Variants in MROH2A observed in about 807,000 individuals in gnomAD.
MROH2A encodes the protein maestro heat-like repeat-containing protein family member 2A.
In MROH2A, 174 loss-of-function variants were observed where a neutral mutation model predicts 200.4. The observed-to-expected ratio is 0.87, with a 90% CI of 0.77 to 0.98. MROH2A has a LOEUF of 0.98. Among genes scored for constraint, MROH2A ranks in the 50% least tolerant of loss-of-function variants. MROH2A has a pLI of 0.00. For synonymous variants in MROH2A, 829 were observed against 840.4 expected, an observed-to-expected ratio of 0.99 and a Z score of 0.23; for missense variants, 2,045 against 2,139.6, an observed-to-expected ratio of 0.96 and a Z score of 0.87.
At chr2:233,826,203 G>A (rs767076773) in intron 35 of MROH2A, among the ~76,000 whole-genome samples, 5 of 152,138 alleles carry the variant, frequency 3.3e-5, no homozygotes, top group East Asian at 1.9e-4. Context: ...GATTACAGGC[G>A]TGAGCCACCA....
chr2:233,787,251 A>C (rs998790365), intron 3 of MROH2A, among the ~76,000 whole-genome samples: 1 of 151,896 alleles, frequency 6.6e-6, no homozygotes, highest in African/African-American at 2.4e-5. Flanking sequence ...GGGTGCAGTA[A>C]GAGTGTTAAT....
rs1370080723 is a variant in MROH2A at position 233,807,308 on chromosome 2, T to A, written c.2053-115T>A. ...GTGCTGCTGTAAACGTGTGTGCAAG[T>A]ATCTTCTGCACATTAAAATAAATTG... On this transcript the variant is annotated intron_variant, in intron 19 of 41. Coordinates refer to ENST00000389758, the MANE Select transcript of MROH2A (RefSeq NM_001394639.1). This position sits in a 1 kb window ranked among gnomAD's most constrained non-coding sequence, Gnocchi z 4.3. 8.6e-7 allele frequency: 1 copy of A among 1,160,008 alleles called. No individual in the cohort carries two copies. Among genetic ancestry groups the A allele is most frequent in the Non-Finnish European group, 1.2e-6 (1 of 847,284 alleles). 71.9% of individuals were successfully genotyped at this position (1,160,008 alleles called of 1,614,324 possible).
chr2:233,787,794 A>AC lies in MROH2A; in HGVS notation c.277-1703_277-1702insC, dbSNP rs55670598. On this transcript the variant is annotated intron_variant, in intron 3 of 41. Coordinates refer to ENST00000389758, the MANE Select transcript of MROH2A (RefSeq NM_001394639.1). ...CATATATATTATATATATCATATAT[A>AC]ATATATATTATATATATTATATATA... 1.2e-3 allele frequency among the ~76,000 whole-genome samples: 5 copies of AC among 4,262 alleles called. 1 individual carries two copies. Among genetic ancestry groups the AC allele is most frequent in the African/African-American group, 4.1e-3 (3 of 726 alleles). The allele number at this position is 4,262 out of a possible 152,430, so 2.8% of individuals were successfully genotyped here. A position where few individuals can be genotyped will look rare whatever the true frequency, so the allele number is the denominator to read the frequency against.
intron 3 of MROH2A, 127 bp from the exon 4 acceptor site, chr2:233,789,370 G>A (rs17862886): frequency 0.014 from 13,250 of 964,346 alleles, 225 homozygotes; most frequent in African/African-American, 0.065. Flanking sequence ...GGAGGAATGG[G>A]GATCTAAGAT....
At chr2:233,780,712 A>G (rs1700916163) in intron 3 of MROH2A, among the ~76,000 whole-genome samples, 1 of 152,184 alleles carries the variant, frequency 6.6e-6, no homozygotes, top group Non-Finnish European at 1.5e-5. Context: ...CACTGCAAAC[A>G]TTTATCATTT....
At chr2:233,785,216 C>G (rs1701142342) in intron 3 of MROH2A, among the ~76,000 whole-genome samples, 1 of 151,932 alleles carries the variant, frequency 6.6e-6, no homozygotes, top group African/African-American at 2.4e-5. Context: ...GACACTTGCT[C>G]TTGAAAGGAC....
At chr2:233,799,544 G>A (rs1702324603) in intron 12 of MROH2A, among the ~76,000 whole-genome samples, 2 of 152,284 alleles carry the variant, frequency 1.3e-5, no homozygotes, top group African/African-American at 4.8e-5. Flanking sequence ...GAGGTTGGAA[G>A]GGAGGGAGGG....
chr2:233,789,481 C>A lies in MROH2A; in HGVS notation c.277-16C>A. On this transcript the variant is annotated splice_polypyrimidine_tract_variant and intron_variant, in intron 3 of 41. Coordinates refer to ENST00000389758, the MANE Select transcript of MROH2A (RefSeq NM_001394639.1). ...GCAGGGTGAGGTCCATTCCACCCAC[C>A]ATACTTGTTTCCCAGATTTCCACCC... The A allele has an allele frequency of 7.1e-7, 1 of 1,404,332 alleles. No individual in the cohort carries two copies. The highest frequency in any genetic ancestry group is 1.7e-5 in the South Asian group (1 of 58,102). The allele number at this position is 1,404,332 out of a possible 1,614,324, so 87.0% of individuals were successfully genotyped here. A position where few individuals can be genotyped will look rare whatever the true frequency, so the allele number is the denominator to read the frequency against.
In MROH2A at chr2:233,818,753, T is replaced by C. The variant is rs1253512555; in HGVS notation, c.3187T>C (p.Ser1063Pro). ...AGATGTGGAGAAGATCTTCTGTGCA[T>C]CCTCCAGAATCGCCAAGGTGACAGC... ...STDVEKIFCASSRIAKVVCME... is the reference protein window; with the variant it reads ...STDVEKIFCAPSRIAKVVCME... The change falls in exon 29 of 42, where the codon TCC becomes CCC. Residue 1063 changes from serine to proline, a missense_variant. Physicochemically the swap from Ser to Pro is moderately conservative, Grantham distance 74 (BLOSUM62 -1). Around this residue, in one of 3 missense-constraint regions of MROH2A, gnomAD observed 1,201 missense variants for 1,311.3 expected, o/e 0.92. Coordinates refer to ENST00000389758, the MANE Select transcript of MROH2A (RefSeq NM_001394639.1). The C allele has an allele frequency of 1.3e-6, 2 of 1,547,308 alleles. No individual in the cohort carries two copies. Among genetic ancestry groups the C allele is most frequent in the Non-Finnish European group, 8.7e-7 (1 of 1,144,252 alleles).
rs537142997 is a variant in MROH2A at position 233,786,156 on chromosome 2, G to T, written c.277-3341G>T. On this transcript the variant is annotated intron_variant, in intron 3 of 41. Transcript: ENST00000389758. ...TCTTGCTTGCTGCCATGTAGAACAT[G>T]ACTGTGTTCCCCCTTTGTCTCCTAC... Among the ~76,000 whole-genome samples the T allele has an allele frequency of 7.9e-5, 12 of 152,302 alleles. No homozygotes were observed. The South Asian group carries it at 2.5e-3, about 32-fold the overall frequency.
At chr2:233,802,134 T>C in intron 14 of MROH2A, 34 bp from the exon 15 acceptor site, 1 of 1,534,996 alleles carries the variant, frequency 6.5e-7, no homozygotes, top group Non-Finnish European at 8.8e-7. Context: ...CTTGGGCTAA[T>C]TCTGAGCCCC....
intron 15 of MROH2A, chr2:233,802,531 C>T: frequency 1.9e-6 from 1 of 528,118 alleles, no homozygotes; most frequent in Non-Finnish European, 3.3e-6. Context: ...CTTTGGATAG[C>T]TCACTCCTCA....
intron 3 of MROH2A, among the ~76,000 whole-genome samples, chr2:233,783,829 G>A (rs192235096): frequency 1.1e-4 from 16 of 152,188 alleles, no homozygotes; most frequent in African/African-American, 3.4e-4. Flanking sequence ...CGTGAGTGCC[G>A]GGATTACAGA....
chr2:233,832,665 G>A (rs1704851626), intron 41 of MROH2A, 21 bp downstream of exon 41: 1 of 1,515,560 alleles, frequency 6.6e-7, no homozygotes, highest in South Asian at 1.2e-5. Flanking sequence ...GAGAGTGTTA[G>A]ATGTTGAGTC....
At chr2:233,794,824 A>T (rs886440984) in intron 8 of MROH2A, among the ~76,000 whole-genome samples, 1 of 152,024 alleles carries the variant, frequency 6.6e-6, no homozygotes, top group Non-Finnish European at 1.5e-5. Flanking sequence ...AGCAACAGAG[A>T]TGTATTCTCT....
At position 233,796,279 on chromosome 2, in the gene MROH2A, T is replaced by G; in HGVS notation, c.1218T>G (p.Thr406=). Residue 406 remains threonine, a synonymous_variant, in exon 11 of 42, where the codon ACT becomes ACG. Transcript: ENST00000389758. ...ETNKEAVRVG[T]LNLIRAIVSA... Reference sequence around the variant, plus strand: ...ACAAGGAGGCCGTCCGCGTGGGGACTCTGAATCTGATTAGGGCTATAGTGA... The same window carrying G: ...ACAAGGAGGCCGTCCGCGTGGGGACGCTGAATCTGATTAGGGCTATAGTGA... The G allele has an allele frequency of 6.5e-7, 1 of 1,538,208 alleles. No individual in the cohort carries two copies.
chr2:233,810,749 C>T (rs1057420075), intron 22 of MROH2A, 45 bp from the exon 23 acceptor site: 1 of 1,544,318 alleles, frequency 6.5e-7, no homozygotes, highest in Admixed American at 2.0e-5. Context: ...TCTTCTGGGG[C>T]TGCTCACAAA....
intron 12 of MROH2A, 23 bp from the exon 13 acceptor site, chr2:233,799,757 T>A (rs1170318781): frequency 6.5e-7 from 1 of 1,549,974 alleles, no homozygotes; most frequent in East Asian, 2.4e-5. Flanking sequence ...ACCCCCAGCA[T>A]GTCCACGGTC....
rs1355468790 is a variant in MROH2A at position 233,787,602 on chromosome 2, A to ATT, written c.277-1894_277-1893dup. On this transcript the variant is annotated intron_variant, in intron 3 of 41. Coordinates refer to ENST00000389758, the MANE Select transcript of MROH2A (RefSeq NM_001394639.1). Reference sequence around the variant, plus strand: ...TCATATATACATATATATATTATATATTATATATATCATATATACATATAT... The same window carrying ATT: ...TCATATATACATATATATATTATATATTTTATATATATCATATATACATATAT... Among the ~76,000 whole-genome samples, 2 of 75,646 alleles carry ATT rather than the reference A, an allele frequency of 2.6e-5. 1 individual carries two copies. Among genetic ancestry groups the ATT allele is most frequent in the Non-Finnish European group, 4.6e-5 (2 of 43,396 alleles). 49.6% of individuals were successfully genotyped at this position (75,646 alleles called of 152,430 possible). A position where few individuals can be genotyped will look rare whatever the true frequency, so the allele number is the denominator to read the frequency against.
Sources: allele counts gnomAD v4.1 joint callset (sites outside exome capture counted in the v4.1 genomes callset), GRCh38; gene constraint gnomAD v4.1.1; regional missense constraint gnomAD v4.1.1; non-coding constraint Gnocchi (gnomAD v3.1); transcripts MANE v1.5; gene names NCBI Gene and HGNC (gene_info 2026-07-23, HGNC 2026-07-21).